Variants in LMOD1 observed in about 807,000 individuals in gnomAD.
LMOD1 encodes the protein leiomodin 1.
Under a neutral mutation model 36.5 loss-of-function variants are expected in LMOD1, and 8 were observed. The observed-to-expected ratio is 0.22, with a 90% CI of 0.13 to 0.40. The LOEUF (loss-of-function observed/expected upper bound fraction) is 0.40. Ranked by LOEUF, LMOD1 falls within the 10% of genes least tolerant of loss-of-function variation. The probability of loss-of-function intolerance (pLI) is 1.00; values close to 1 mark genes in which losing one functional copy is unlikely to be tolerated. For missense variants in LMOD1, 630 were observed against 751.1 expected (o/e 0.84, Z 1.88); for synonymous variants, 284 against 288.7 (o/e 0.98, Z 0.17).
intron 1 of LMOD1, among the ~76,000 whole-genome samples, chr1:201,924,047 T>G (rs1360963674): frequency 6.6e-6 from 1 of 150,938 alleles, no homozygotes; most frequent in Non-Finnish European, 1.5e-5. Flanking sequence ...CTGGGCACAG[T>G]GGCTCACGCC....
At chr1:201,908,195 C>A (rs114530928) in intron 1 of LMOD1, among the ~76,000 whole-genome samples, 149 of 152,294 alleles carry the variant, frequency 9.8e-4, no homozygotes, top group African/African-American at 3.3e-3. Context: ...TTTTGGTTAT[C>A]CCAGCTCTGA....
intron 1 of LMOD1, among the ~76,000 whole-genome samples, chr1:201,915,353 G>A (rs753063269): frequency 9.2e-4 from 140 of 152,184 alleles, no homozygotes; most frequent in Middle Eastern, 3.4e-3. Context: ...TGCATTCTAC[G>A]TACTGATGTC....
chr1:201,946,527 C>CT lies in LMOD1; in HGVS notation c.-188dup, dbSNP rs772510198. The CT allele has an allele frequency of 6.2e-6, 4 of 645,938 alleles. No individual in the cohort carries two copies. In the Admixed American group the frequency reaches 8.8e-5, roughly 14 times the overall value. 40.0% of individuals were successfully genotyped at this position (645,938 alleles called of 1,614,324 possible). On this transcript the variant is annotated 5_prime_UTR_variant, in exon 1 of 3. Coordinates refer to ENST00000367288, the MANE Select transcript of LMOD1 (RefSeq NM_012134.3). Reference sequence around the variant, plus strand: ...GTGTTCACTGGACGCAGCAGCCTCCCTGAAGCCCAGGGCTAGTGGACCCCG... The same window carrying CT: ...GTGTTCACTGGACGCAGCAGCCTCCCTTGAAGCCCAGGGCTAGTGGACCCCG...
At chr1:201,937,943 G>T (rs1019096836) in intron 1 of LMOD1, among the ~76,000 whole-genome samples, 2 of 152,144 alleles carry the variant, frequency 1.3e-5, no homozygotes, top group Non-Finnish European at 2.9e-5. Flanking sequence ...CATGATTCAT[G>T]AATTCTGTGT....
rs777696417 is a variant in LMOD1 at position 201,899,905 on chromosome 1, G to A, written c.1108C>T (p.Arg370Ter). Residue 370 changes from arginine (R) to a stop codon, truncating the protein, a stop_gained, in exon 2 of 3, where the codon CGA becomes TGA. Transcript: ENST00000367288. LOFTEE classifies it high-confidence loss of function. This position sits in a 1 kb window ranked among gnomAD's most constrained non-coding sequence, Gnocchi z 6.3. ...VVKLFALANT[R>*]ADDHVAFAIA... ...GCAAAGGCCACGTGGTCATCGGCTC[G>A]CGTGTTGGCCAAGGCGAACAGCTTA... is the stretch of plus-strand genomic sequence containing the variant. 1.9e-6 allele frequency: 3 copies of A among 1,608,926 alleles called. No individual in the cohort carries two copies. Among genetic ancestry groups the A allele is most frequent in the Non-Finnish European group, 1.7e-6 (2 of 1,178,514 alleles).
At chr1:201,918,850 C>G (rs993048143) in intron 1 of LMOD1, among the ~76,000 whole-genome samples, 1 of 152,164 alleles carries the variant, frequency 6.6e-6, no homozygotes. Context: ...TATTTGAAAG[C>G]AAATTCCAGG....
chr1:201,939,319 C>A (rs1285773945), intron 1 of LMOD1, among the ~76,000 whole-genome samples: 1 of 152,194 alleles, frequency 6.6e-6, no homozygotes, highest in Non-Finnish European at 1.5e-5. Context: ...ATCATCCCCA[C>A]TTGACAGGTG....
intron 1 of LMOD1, among the ~76,000 whole-genome samples, chr1:201,901,647 T>TAC (rs1241425275): frequency 4.4e-5 from 3 of 68,110 alleles, no homozygotes; most frequent in African/African-American, 2.4e-4. Context: ...TATATATATA[T>TAC]ACATATATAT....
At chr1:201,932,920 T>C (rs1404600907) in intron 1 of LMOD1, among the ~76,000 whole-genome samples, 2 of 152,176 alleles carry the variant, frequency 1.3e-5, no homozygotes, top group Non-Finnish European at 2.9e-5. Context: ...ATGCATTCTC[T>C]ACGACGCAGA....
At chr1:201,932,450 G>A (rs763709034) in intron 1 of LMOD1, among the ~76,000 whole-genome samples, 19 of 151,866 alleles carry the variant, frequency 1.3e-4, no homozygotes, top group East Asian at 3.9e-4. Flanking sequence ...TCTCAAAGAT[G>A]TACTCCATTA....
chr1:201,939,125 A>C (rs181522268), intron 1 of LMOD1, among the ~76,000 whole-genome samples: 1 of 145,622 alleles, frequency 6.9e-6, no homozygotes, highest in Non-Finnish European at 1.5e-5. Context: ...TCATTCCTTC[A>C]CACTCACTGA....
chr1:201,928,310 G>A (rs1681863636), intron 1 of LMOD1, among the ~76,000 whole-genome samples: 1 of 152,192 alleles, frequency 6.6e-6, no homozygotes, highest in Non-Finnish European at 1.5e-5. Flanking sequence ...ACAGAAGCCT[G>A]GCTGAGAAAA....
At chr1:201,942,640 T>C (rs1302828135) in intron 1 of LMOD1, among the ~76,000 whole-genome samples, 1 of 151,932 alleles carries the variant, frequency 6.6e-6, no homozygotes, top group Non-Finnish European at 1.5e-5. Flanking sequence ...AAGACTGTCT[T>C]AAGGCCAACC....
At chr1:201,914,895 T>C (rs1438462523) in intron 1 of LMOD1, among the ~76,000 whole-genome samples, 1 of 151,994 alleles carries the variant, frequency 6.6e-6, no homozygotes, top group African/African-American at 2.4e-5. Flanking sequence ...AGATCCTCCT[T>C]CTGTCCACAG....
intron 1 of LMOD1, among the ~76,000 whole-genome samples, chr1:201,920,102 G>A (rs140475405): frequency 8.0e-5 from 10 of 124,950 alleles, no homozygotes; most frequent in African/African-American, 3.0e-4. Flanking sequence ...TGTCACCCAG[G>A]CAGCTGGGGT....
intron 1 of LMOD1, among the ~76,000 whole-genome samples, chr1:201,902,858 G>A (rs80293562): frequency 0.015 from 2,279 of 152,234 alleles, 50 homozygotes; most frequent in African/African-American, 0.049. Context: ...CTTGCTTCTC[G>A]TCTTCATCAG....
chr1:201,916,372 G>A (rs970738011), intron 1 of LMOD1, among the ~76,000 whole-genome samples: 3 of 152,072 alleles, frequency 2.0e-5, no homozygotes, highest in East Asian at 1.9e-4. Context: ...ACATTAGCCA[G>A]GCGTGGTGGC....
intron 1 of LMOD1, among the ~76,000 whole-genome samples, chr1:201,918,774 C>T (rs1681650763): frequency 6.6e-6 from 1 of 152,210 alleles, no homozygotes; most frequent in Non-Finnish European, 1.5e-5. Context: ...CCAGCTTCAG[C>T]GATTCTCTAC....
chr1:201,901,611 C>A (rs12729674), intron 1 of LMOD1, among the ~76,000 whole-genome samples: 3 of 21,000 alleles, frequency 1.4e-4, no homozygotes, highest in African/African-American at 5.1e-4. Context: ...TATATATATA[C>A]ACATATATAT....
Sources: allele counts gnomAD v4.1 joint callset (sites outside exome capture counted in the v4.1 genomes callset), GRCh38; gene constraint gnomAD v4.1.1; non-coding constraint Gnocchi (gnomAD v3.1); transcripts MANE v1.5; gene names NCBI Gene and HGNC (gene_info 2026-07-23, HGNC 2026-07-21).